LYAR: variants seen among roughly 807,000 people sequenced by gnomAD.
The protein encoded by LYAR is cell growth-regulating nucleolar protein.
In LYAR, 37 loss-of-function variants were observed where a neutral mutation model predicts 45.2. That is an observed-to-expected ratio of 0.82 (90% CI 0.63 to 1.08). The LOEUF (loss-of-function observed/expected upper bound fraction) is 1.08, where lower values mean the gene tolerates loss of function less well. LYAR is among the 50% of genes least tolerant of loss of function. The pLI is 0.00. For missense variants in LYAR, 493 were observed against 451.0 expected (o/e 1.09, Z -0.84); for synonymous variants, 176 against 155.1 (o/e 1.14, Z -1.00).
Position 4,267,704 on chromosome 4 carries a change from A to T in LYAR, c.*185T>A, listed in dbSNP as rs1718768906. ...CAGTAATTTTTGCCACAACAAATTT[A>T]GAAGTTTGGACCAGAATATATTTTA... On this transcript the variant is annotated 3_prime_UTR_variant, in exon 10 of 10. Coordinates refer to ENST00000343470, the MANE Select transcript of LYAR (RefSeq NM_017816.3). 4.3e-6 allele frequency: 2 copies of T among 468,528 alleles called. No homozygotes were observed. The highest frequency in any genetic ancestry group is 1.1e-4 in the South Asian group (2 of 18,904). The allele number at this position is 468,528 out of a possible 1,614,324, so 29.0% of individuals were successfully genotyped here. A position where few individuals can be genotyped will look rare whatever the true frequency, so the allele number is the denominator to read the frequency against.
At chr4:4,284,277 G>A (rs1169338396) in intron 2 of LYAR, among the ~76,000 whole-genome samples, 1 of 152,120 alleles carries the variant, frequency 6.6e-6, no homozygotes, top group African/African-American at 2.4e-5. Context: ...TTGCAATTTA[G>A]GTGTACACTA....
At chr4:4,279,787 A>G in intron 4 of LYAR, 38 bp from the exon 5 acceptor site, 1 of 1,333,382 alleles carries the variant, frequency 7.5e-7, no homozygotes, top group African/African-American at 1.5e-5. Flanking sequence ...CTATTAATAA[A>G]CAACCAACAT....
chr4:4,272,255 C>A (rs1718967007), intron 8 of LYAR, among the ~76,000 whole-genome samples: 1 of 152,124 alleles, frequency 6.6e-6, no homozygotes, highest in African/African-American at 2.4e-5. Context: ...CATAAGGACG[C>A]CTGAGTCTCC....
chr4:4,289,949 G>A (rs1160599431), intron 1 of LYAR, 87 bp downstream of exon 1: 4 of 152,374 alleles, frequency 2.6e-5, no homozygotes, highest in Non-Finnish European at 5.9e-5. Flanking sequence ...TAACCCAGAG[G>A]GGCTGACGGT....
intron 8 of LYAR, among the ~76,000 whole-genome samples, chr4:4,269,593 G>C (rs1718855427): frequency 6.6e-6 from 1 of 152,156 alleles, no homozygotes; most frequent in African/African-American, 2.4e-5. Flanking sequence ...CTCAGGTGTG[G>C]ATGGAGGCTG....
chr4:4,283,088 T>C (rs1719467475), intron 3 of LYAR, among the ~76,000 whole-genome samples: 1 of 152,206 alleles, frequency 6.6e-6, no homozygotes. Flanking sequence ...CTAATCATCA[T>C]AATTCCCCTT....
At chr4:4,268,723 C>A in intron 8 of LYAR, 108 bp from the exon 9 acceptor site, 3 of 686,130 alleles carry the variant, frequency 4.4e-6, no homozygotes, top group East Asian at 2.7e-5. Flanking sequence ...ATGAGCTAAC[C>A]CTCTAATGAA....
At chr4:4,285,216 A>G (rs1399185960) in intron 2 of LYAR, among the ~76,000 whole-genome samples, 1 of 152,190 alleles carries the variant, frequency 6.6e-6, no homozygotes, top group East Asian at 1.9e-4. Context: ...GCTCACTATC[A>G]GTGTATGTTA....
At chr4:4,280,489 C>A (rs1051778043) in intron 4 of LYAR, among the ~76,000 whole-genome samples, 11 of 152,138 alleles carry the variant, frequency 7.2e-5, no homozygotes, top group Non-Finnish European at 1.3e-4. Flanking sequence ...AAAAGAACAA[C>A]AAAAATGCAG....
chr4:4,274,261 C>T (rs1719080671), intron 7 of LYAR, 106 bp downstream of exon 7: 1 of 1,245,522 alleles, frequency 8.0e-7, no homozygotes, highest in Non-Finnish European at 1.1e-6. Flanking sequence ...AAAAAAAAAC[C>T]ACACACACAC....
At chr4:4,280,024 T>C (rs1719336179) in intron 4 of LYAR, among the ~76,000 whole-genome samples, 1 of 152,230 alleles carries the variant, frequency 6.6e-6, no homozygotes, top group African/African-American at 2.4e-5. Context: ...TGTGGTCTTA[T>C]ATGTCAAAAG....
At chr4:4,284,976 T>G (rs1719549698) in intron 2 of LYAR, among the ~76,000 whole-genome samples, 2 of 152,120 alleles carry the variant, frequency 1.3e-5, no homozygotes, top group South Asian at 4.1e-4. Context: ...CCAGCATGTT[T>G]TGGATCACTG....
At chr4:4,273,168 T>C (rs1402085133) in intron 8 of LYAR, among the ~76,000 whole-genome samples, 3 of 152,218 alleles carry the variant, frequency 2.0e-5, no homozygotes, top group South Asian at 4.1e-4. Context: ...ATTGGGCTTA[T>C]TTAAATTTCA....
chr4:4,277,398 A>G (rs1719225601), intron 6 of LYAR, among the ~76,000 whole-genome samples: 1 of 152,076 alleles, frequency 6.6e-6, no homozygotes, highest in Non-Finnish European at 1.5e-5. Context: ...TCCCTTCTAC[A>G]CAATCCAGAC....
chr4:4,274,888 T>C (rs1719118240), intron 6 of LYAR, 119 bp from the exon 7 acceptor site: 1 of 938,746 alleles, frequency 1.1e-6, no homozygotes, highest in Non-Finnish European at 1.6e-6. Flanking sequence ...GTTTAATCCC[T>C]TATCGTTTTA....
In LYAR at chr4:4,267,980, G is replaced by T. The variant is rs1454456214; in HGVS notation, c.1049C>A (p.Ser350Tyr). The T allele has an allele frequency of 2.5e-6, 4 of 1,612,438 alleles. No individual in the cohort carries two copies. The South Asian group carries it at 3.3e-5, about 13-fold the overall frequency. The change falls in exon 10 of 10, where the codon TCC becomes TAC. Residue 350 changes from serine (S) to tyrosine (Y), a missense_variant. By Grantham distance (144) the Ser-to-Tyr change is moderately radical. Coordinates refer to ENST00000343470, the MANE Select transcript of LYAR (RefSeq NM_017816.3). ...YYTVTDEHHR[S>Y]EEELLVIFNK... Reference sequence around the variant, plus strand: ...AAAGATGACCAGGAGTTCCTCTTCGGATCTGTGATGCTCATCTGTCACTGT... The same window carrying T: ...AAAGATGACCAGGAGTTCCTCTTCGTATCTGTGATGCTCATCTGTCACTGT...
chr4:4,268,072 C>T, intron 9 of LYAR, 49 bp from the exon 10 acceptor site: 1 of 1,479,130 alleles, frequency 6.8e-7, no homozygotes. Context: ...GGAAAATTAT[C>T]TTAAAATGTT....
At chr4:4,279,234 G>A (rs1367894192) in intron 6 of LYAR, among the ~76,000 whole-genome samples, 1 of 152,084 alleles carries the variant, frequency 6.6e-6, no homozygotes, top group Non-Finnish European at 1.5e-5. Flanking sequence ...TTGGGAGGCT[G>A]AGACACGAGA....
intron 6 of LYAR, among the ~76,000 whole-genome samples, chr4:4,278,961 A>AATAAGGAAGTCTCTGC (rs1302166748): frequency 3.3e-4 from 51 of 152,322 alleles, no homozygotes; most frequent in African/African-American, 1.1e-3. Context: ...TGCTCTTCAC[A>AATAAGGAAGTCTCTGC]ATAAGGAAGT....
Sources: gnomAD v4.1 joint callset for allele counts (sites outside exome capture counted in the v4.1 genomes callset) on GRCh38, gnomAD v4.1.1 for gene constraint, MANE v1.5 for transcripts, NCBI Gene and HGNC (gene_info 2026-07-23, HGNC 2026-07-21) for gene names.